CHRM3: variants seen among roughly 807,000 people sequenced by gnomAD.
The protein encoded by CHRM3 is muscarinic acetylcholine receptor M3.
CHRM3 carries 11 observed loss-of-function variants against 41.8 expected under a neutral mutation model. The observed-to-expected ratio is 0.26, with a 90% CI of 0.17 to 0.44. The LOEUF is 0.44. CHRM3 is among the 20% of genes least tolerant of loss of function. The pLI is 1.00. For missense variants in CHRM3, 571 were observed against 745.4 expected (o/e 0.77, Z 2.72); for synonymous variants, 297 against 301.4 (o/e 0.99, Z 0.15).
chr1:239,522,250 C>A (rs1035958768), intron 2 of CHRM3, among the ~76,000 whole-genome samples: 2 of 152,096 alleles, frequency 1.3e-5, no homozygotes, highest in African/African-American at 4.8e-5. Context: ...GTTGTAGATA[C>A]CATGTCATGA....
intron 1 of CHRM3, among the ~76,000 whole-genome samples, chr1:239,471,429 C>G (rs1461569352): frequency 6.6e-6 from 1 of 152,188 alleles, no homozygotes. Context: ...CTGACTCCCC[C>G]TGGTCCATTG....
At chr1:239,586,751 T>G (rs1036215313) in intron 3 of CHRM3, among the ~76,000 whole-genome samples, 2 of 152,114 alleles carry the variant, frequency 1.3e-5, no homozygotes, top group African/African-American at 4.8e-5. Flanking sequence ...TTTCTTTCAG[T>G]GAGTTATAAT....
intron 2 of CHRM3, among the ~76,000 whole-genome samples, chr1:239,525,201 A>G (rs766872881): frequency 1.3e-4 from 20 of 152,146 alleles, no homozygotes; most frequent in Admixed American, 7.2e-4. Flanking sequence ...TGTCTCTACA[A>G]ATATTTGTAA....
At chr1:239,793,535 A>T (rs1669510474) in intron 5 of CHRM3, among the ~76,000 whole-genome samples, 1 of 152,184 alleles carries the variant, frequency 6.6e-6, no homozygotes, top group South Asian at 2.1e-4. Context: ...TAATGTTCTA[A>T]TTTTTTTGTA....
In CHRM3 at chr1:239,660,363, C is replaced by T. The variant is rs553819765; in HGVS notation, c.-249-17823C>T. 2.1e-3 allele frequency among the ~76,000 whole-genome samples: 325 copies of T among 152,176 alleles called. 2 individuals are homozygous for T. Among genetic ancestry groups the T allele is most frequent in the African/African-American group, 7.4e-3 (309 of 41,552 alleles). On this transcript the variant is annotated intron_variant, in intron 4 of 6. Transcript: ENST00000676153. Reference sequence around the variant, plus strand: ...TTCTACTTTTCAGCCTTGTATTATACGATCTCCTCAGCTTCTTACAACTTT... The same window carrying T: ...TTCTACTTTTCAGCCTTGTATTATATGATCTCCTCAGCTTCTTACAACTTT...
chr1:239,657,244 G>T (rs1260364599), intron 4 of CHRM3, among the ~76,000 whole-genome samples: 1 of 152,206 alleles, frequency 6.6e-6, no homozygotes, highest in East Asian at 1.9e-4. Context: ...GTGAAGAGGA[G>T]CTGGAATACC....
Position 239,909,835 on chromosome 1 carries a change from T to G in CHRM3, c.*611T>G, listed in dbSNP as rs1414400227. 1.2e-5 allele frequency: 2 copies of G among 167,142 alleles called. No individual in the cohort carries two copies. Among genetic ancestry groups the G allele is most frequent in the Non-Finnish European group, 2.9e-5 (2 of 68,380 alleles). 10.4% of individuals were successfully genotyped at this position (167,142 alleles called of 1,614,324 possible). A position where few individuals can be genotyped will look rare whatever the true frequency, so the allele number is the denominator to read the frequency against. On this transcript the variant is annotated 3_prime_UTR_variant, in exon 7 of 7. Coordinates refer to ENST00000676153, the MANE Select transcript of CHRM3 (RefSeq NM_001375978.1). ...TCAAGTTTCGTACAAATAAAAATACTTAAGTATATATATATGTGTGAGTTC... is the reference window on the plus strand; with the variant it reads ...TCAAGTTTCGTACAAATAAAAATACGTAAGTATATATATATGTGTGAGTTC...
At chr1:239,554,729 C>CTTTTTTTTTTTTT (rs750207504) in intron 3 of CHRM3, among the ~76,000 whole-genome samples, 2 of 122,978 alleles carry the variant, frequency 1.6e-5, no homozygotes, top group Admixed American at 8.7e-5. Context: ...GTATTTCTTT[C>CTTTTTTTTTTTTT]TTTTTTTTTT....
chr1:239,836,569 C>T (rs768625888), intron 6 of CHRM3, among the ~76,000 whole-genome samples: 3 of 152,256 alleles, frequency 2.0e-5, no homozygotes, highest in South Asian at 2.1e-4. Flanking sequence ...CTACCATCCC[C>T]GTACAAAAAC....
At chr1:239,795,844 A>C (rs73127373) in intron 5 of CHRM3, among the ~76,000 whole-genome samples, 7,561 of 152,266 alleles carry the variant, frequency 0.05, 595 homozygotes, top group African/African-American at 0.17. Context: ...TGTTCATTTT[A>C]CCTAGCTGGC....
chr1:239,763,394 C>G (rs763538660), intron 5 of CHRM3, among the ~76,000 whole-genome samples: 52 of 152,272 alleles, frequency 3.4e-4, no homozygotes, highest in Admixed American at 5.2e-4. Flanking sequence ...ATCATTTAAA[C>G]TTCATAGCTA....
chr1:239,481,124 T>C (rs1442211401), intron 1 of CHRM3, among the ~76,000 whole-genome samples: 1 of 152,220 alleles, frequency 6.6e-6, no homozygotes, highest in East Asian at 1.9e-4. Flanking sequence ...GTAAGTGTGA[T>C]GACCTGGAAC....
At chr1:239,703,169 C>G (rs1027986895) in intron 5 of CHRM3, 1 of 152,146 alleles carries the variant, frequency 6.6e-6, no homozygotes, top group African/African-American at 2.4e-5. Context: ...AATTATCTTA[C>G]AAGTTCACAT....
At chr1:239,492,301 G>A (rs1488993006) in intron 1 of CHRM3, among the ~76,000 whole-genome samples, 1 of 152,026 alleles carries the variant, frequency 6.6e-6, no homozygotes, top group Non-Finnish European at 1.5e-5. Context: ...TCTCTGTTAT[G>A]ACCCCTTTCT....
intron 1 of CHRM3, among the ~76,000 whole-genome samples, chr1:239,464,325 C>CAAAT (rs2147897661): frequency 6.6e-6 from 1 of 150,408 alleles, no homozygotes; most frequent in East Asian, 2.0e-4. Context: ...TCTGCCCTTA[C>CAAAT]AAATAGAATC....
chr1:239,879,511 G>T (rs1253448788), intron 6 of CHRM3, among the ~76,000 whole-genome samples: 2 of 152,196 alleles, frequency 1.3e-5, no homozygotes, highest in Non-Finnish European at 2.9e-5. Flanking sequence ...TCTGTCAGGT[G>T]TCTTTCTTTC....
intron 3 of CHRM3, among the ~76,000 whole-genome samples, chr1:239,596,073 T>C (rs2148661842): frequency 6.6e-6 from 1 of 152,322 alleles, no homozygotes; most frequent in African/African-American, 2.4e-5. Flanking sequence ...TTGAGCAATT[T>C]TATACCTAAC....
At chr1:239,488,693 TGACAGAGCGA>T (rs1667347435) in intron 1 of CHRM3, among the ~76,000 whole-genome samples, 1 of 109,762 alleles carries the variant, frequency 9.1e-6, no homozygotes, top group Non-Finnish European at 1.7e-5. Flanking sequence ...CCAGCCTGGA[TGACAGAGCGA>T]GACTCCTTCT....
intron 1 of CHRM3, among the ~76,000 whole-genome samples, chr1:239,415,085 A>C (rs1661390171): frequency 6.6e-6 from 1 of 152,250 alleles, no homozygotes; most frequent in African/African-American, 2.4e-5. Flanking sequence ...TTTCTGGAGT[A>C]AAGTAACAAA....
Sources: allele counts gnomAD v4.1 joint callset (sites outside exome capture counted in the v4.1 genomes callset), GRCh38; gene constraint gnomAD v4.1.1; transcripts MANE v1.5; gene names NCBI Gene and HGNC (gene_info 2026-07-23, HGNC 2026-07-21).